The following QKI variants were observed in gnomAD, a reference collection of about 807,000 sequenced individuals.
QKI encodes KH domain-containing RNA-binding protein QKI.
A neutral mutation model predicts 39.0 loss-of-function variants in QKI; 10 were observed. The ratio of observed to expected loss-of-function variants is 0.26; its 90% CI spans 0.16 to 0.43. The LOEUF is 0.43. Ranked by LOEUF, QKI falls within the 20% of genes least tolerant of loss-of-function variation. The pLI is 1.00. For missense variants in QKI, 218 were observed against 428.0 expected (o/e 0.51, Z 4.33); for synonymous variants, 204 against 155.4 (o/e 1.31, Z -2.33).
chr6:163,510,256 T>TAATAAG (rs1189402581), intron 3 of QKI, among the ~76,000 whole-genome samples: 2 of 116,620 alleles, frequency 1.7e-5, no homozygotes, highest in African/African-American at 3.1e-5. Flanking sequence ...ATAATAATAA[T>TAATAAG]AATAAGTAAA....
chr6:163,415,949 C>T (rs763635299), intron 1 of QKI: 36 of 506,282 alleles, frequency 7.1e-5, no homozygotes, highest in Middle Eastern at 6.4e-4. Context: ...CGAAATTATG[C>T]TGGCGTAGCC....
intron 6 of QKI, chr6:163,566,103 T>C (rs1463594982): frequency 2.0e-6 from 3 of 1,478,544 alleles, no homozygotes; most frequent in Non-Finnish European, 2.7e-6. Flanking sequence ...CACATAGATA[T>C]AAAGTAAAAT....
chr6:163,488,664 G>T (rs762483904), intron 3 of QKI, among the ~76,000 whole-genome samples: 3 of 152,208 alleles, frequency 2.0e-5, no homozygotes, highest in East Asian at 1.9e-4. Flanking sequence ...TATTTTGAGG[G>T]TATATCCACT....
At chr6:163,447,249 ATTTTTTTTTT>A (rs4038332) in intron 1 of QKI, among the ~76,000 whole-genome samples, 1 of 120,188 alleles carries the variant, frequency 8.3e-6, no homozygotes, top group South Asian at 2.6e-4. Flanking sequence ...GGTGCACGTG[ATTTTTTTTTT>A]TTTTTTTTTT....
At chr6:163,437,811 C>T (rs978475568) in intron 1 of QKI, among the ~76,000 whole-genome samples, 8 of 152,166 alleles carry the variant, frequency 5.3e-5, no homozygotes, top group Non-Finnish European at 4.4e-5. Context: ...ATGCCCTCCC[C>T]TCCCATCTCT....
intron 6 of QKI, chr6:163,564,417 T>TA (rs1372240299): frequency 1.5e-6 from 2 of 1,365,294 alleles, no homozygotes; most frequent in African/African-American, 2.9e-5. Flanking sequence ...AAAATGTTGT[T>TA]ATGCAGGCAT....
intron 7 of QKI, chr6:163,567,584 T>C (rs1168111258): frequency 7.1e-6 from 7 of 983,380 alleles, no homozygotes; most frequent in Middle Eastern, 5.2e-4. Context: ...TTTACAACTT[T>C]TATAATTTGT....
intron 4 of QKI, among the ~76,000 whole-genome samples, chr6:163,552,393 C>G (rs774842987): frequency 3.3e-5 from 5 of 151,748 alleles, no homozygotes; most frequent in Non-Finnish European, 7.4e-5. Flanking sequence ...TATTTTTTGA[C>G]TAGAGACAGG....
chr6:163,570,444 GTT>G (rs35227460), intron 7 of QKI: 6,584 of 915,618 alleles, frequency 7.2e-3, no homozygotes, highest in South Asian at 0.012. Flanking sequence ...TTGTTAACCA[GTT>G]TTTTTTTTTT....
chr6:163,533,626 A>G (rs940038659), intron 3 of QKI, among the ~76,000 whole-genome samples: 2 of 152,216 alleles, frequency 1.3e-5, no homozygotes, highest in East Asian at 1.9e-4. Flanking sequence ...GACATCATCA[A>G]AAAGAATGTA....
In QKI at chr6:163,574,093, G is replaced by T. The variant is rs901544618; in HGVS notation, c.*3383G>T. ...TTGAGGCATTCTTCTCTTGCCACTT[G>T]CCTTTCAGCATCTGCATTACTAATT... On this transcript the variant is annotated 3_prime_UTR_variant, in exon 8 of 8. Transcript: ENST00000361752. 1 of 152,108 alleles carries T rather than the reference G, an allele frequency of 6.6e-6. No individual in the cohort carries two copies. Among genetic ancestry groups the T allele is most frequent in the Non-Finnish European group, 1.5e-5 (1 of 68,036 alleles). 9.4% of individuals were successfully genotyped at this position (152,108 alleles called of 1,614,324 possible). A position where few individuals can be genotyped will look rare whatever the true frequency, so the allele number is the denominator to read the frequency against.
chr6:163,534,257 A>G (rs879292098), intron 3 of QKI, among the ~76,000 whole-genome samples: 3 of 152,198 alleles, frequency 2.0e-5, no homozygotes, highest in Non-Finnish European at 4.4e-5. Context: ...TCTCTATGAA[A>G]CTAGTATTTA....
intron 1 of QKI, among the ~76,000 whole-genome samples, chr6:163,454,318 G>A (rs979616328): frequency 4.6e-5 from 7 of 152,058 alleles, no homozygotes; most frequent in African/African-American, 1.2e-4. Flanking sequence ...TAAAAAAAAT[G>A]TCTATGTATA....
At chr6:163,559,179 C>T (rs544993533) in intron 4 of QKI, among the ~76,000 whole-genome samples, 224 of 152,272 alleles carry the variant, frequency 1.5e-3, no homozygotes, top group Non-Finnish European at 2.4e-3. Flanking sequence ...AGCACCTGCC[C>T]TTCTGCAGGA....
intron 1 of QKI, among the ~76,000 whole-genome samples, chr6:163,427,192 T>C (rs1164806671): frequency 6.6e-6 from 1 of 152,058 alleles, no homozygotes; most frequent in Non-Finnish European, 1.5e-5. Context: ...TCATTCATTT[T>C]TATATTTTCA....
At chr6:163,419,061 T>C (rs991563556) in intron 1 of QKI, among the ~76,000 whole-genome samples, 1 of 152,144 alleles carries the variant, frequency 6.6e-6, no homozygotes, top group Admixed American at 6.5e-5. Context: ...GCAGATGGAT[T>C]AGAATGCCGT....
intron 1 of QKI, among the ~76,000 whole-genome samples, chr6:163,418,588 G>A (rs1305724563): frequency 1.3e-5 from 2 of 151,938 alleles, no homozygotes; most frequent in Admixed American, 6.5e-5. Context: ...ATTTTAGGTT[G>A]GGCCCATCAT....
At chr6:163,543,562 G>A (rs920618793) in intron 4 of QKI, among the ~76,000 whole-genome samples, 4 of 152,058 alleles carry the variant, frequency 2.6e-5, no homozygotes, top group African/African-American at 7.2e-5. Flanking sequence ...ACCTAAATGA[G>A]TTGCCATGGG....
At chr6:163,508,554 C>T (rs1441351395) in intron 3 of QKI, among the ~76,000 whole-genome samples, 2 of 130,848 alleles carry the variant, frequency 1.5e-5, no homozygotes, top group African/African-American at 2.9e-5. Flanking sequence ...TTTATGATGG[C>T]GTTTCACTCT....
Sources: allele counts gnomAD v4.1 joint callset (sites outside exome capture counted in the v4.1 genomes callset), GRCh38; gene constraint gnomAD v4.1.1; transcripts MANE v1.5; gene names NCBI Gene and HGNC (gene_info 2026-07-23, HGNC 2026-07-21).